Variants in PIP5K1C observed in about 807,000 individuals in gnomAD.
PIP5K1C encodes the protein phosphatidylinositol-4-phosphate 5-kinase type 1 gamma.
In PIP5K1C, 45 loss-of-function variants were observed where a neutral mutation model predicts 80.1. The observed-to-expected ratio is 0.56, with a 90% confidence interval of 0.44 to 0.72. The LOEUF (loss-of-function observed/expected upper bound fraction) is 0.72, where lower values mean the gene tolerates loss of function less well. Ranked by LOEUF, PIP5K1C falls within the 30% of genes least tolerant of loss-of-function variation. The pLI, the probability that PIP5K1C is intolerant of heterozygous loss-of-function variation, is 0.00. For missense variants in PIP5K1C, 753 were observed against 954.6 expected, an observed-to-expected ratio of 0.79 and a Z score of 2.78; for synonymous variants, 498 against 420.1, an observed-to-expected ratio of 1.19 and a Z score of -2.27.
rs1352221122 is a variant in PIP5K1C, at chr19:3,630,547, T to G, written c.*2620A>C. ...GAGGTGGCAGGCGCCTCTCCTGGGG[T>G]GGGGACTGAGGGCTGTGGAGACAGT... On this transcript the variant is annotated 3_prime_UTR_variant, in exon 18 of 18. Transcript: ENST00000335312. 2 of 150,154 alleles carry G rather than the reference T, an allele frequency of 1.3e-5. No homozygotes were observed. The highest frequency in any genetic ancestry group is 4.9e-5 in the African/African-American group (2 of 40,500). The allele number at this position is 150,154 out of a possible 1,614,324, so 9.3% of individuals were successfully genotyped here. A position where few individuals can be genotyped will look rare whatever the true frequency, so the allele number is the denominator to read the frequency against.
At chr19:3,689,123 TC>T (rs1458119367) in intron 1 of PIP5K1C, among the ~76,000 whole-genome samples, 1 of 152,098 alleles carries the variant, frequency 6.6e-6, no homozygotes, top group Non-Finnish European at 1.5e-5. Flanking sequence ...GGCTCAGTAA[TC>T]CAGTTATTCT....
intron 1 of PIP5K1C, chr19:3,674,041 T>G (rs1195934897): frequency 6.6e-6 from 1 of 152,246 alleles, no homozygotes; most frequent in African/African-American, 2.4e-5. Flanking sequence ...TGAGGAAGGC[T>G]GGCACTTCTC....
In PIP5K1C at chr19:3,644,064, G is replaced by A. The variant is rs73920196; in HGVS notation, c.1510+23C>T. ...GGCACCCCCTGTAGCGCCCACAAGC[G>A]CACTCTGCCCTCTGCCCCTCACCTT... On this transcript the variant is annotated intron_variant, in intron 12 of 17. Coordinates refer to ENST00000335312, the MANE Select transcript of PIP5K1C (RefSeq NM_012398.3). 23,248 of 1,608,926 alleles carry A rather than the reference G, an allele frequency of 0.014. 419 individuals are homozygous for A. Among genetic ancestry groups the A allele is most frequent in the African/African-American group, 0.086 (6,464 of 74,926 alleles).
At chr19:3,690,740 CAAAT>C (rs2035922542) in intron 1 of PIP5K1C, among the ~76,000 whole-genome samples, 1 of 152,142 alleles carries the variant, frequency 6.6e-6, no homozygotes, top group Admixed American at 6.5e-5. Context: ...GCTGCCATAA[CAAAT>C]AAAGAGCTCC....
At chr19:3,663,387 C>T (rs917469551) in intron 3 of PIP5K1C, among the ~76,000 whole-genome samples, 3 of 152,230 alleles carry the variant, frequency 2.0e-5, no homozygotes, top group Admixed American at 2.0e-4. Flanking sequence ...CTAAGCCACA[C>T]TCTGGGTGGT....
chr19:3,634,834 G>A (rs530366739), intron 16 of PIP5K1C, among the ~76,000 whole-genome samples: 161 of 152,346 alleles, frequency 1.1e-3, no homozygotes, highest in Non-Finnish European at 1.9e-3. Flanking sequence ...CCCTGTTCCC[G>A]GGCCCTGGGC....
At chr19:3,640,479 G>A (rs1199305937) in intron 15 of PIP5K1C, among the ~76,000 whole-genome samples, 1 of 152,132 alleles carries the variant, frequency 6.6e-6, no homozygotes, top group Non-Finnish European at 1.5e-5. Context: ...TCGTGCCACT[G>A]CACTCCAGCC....
intron 6 of PIP5K1C, among the ~76,000 whole-genome samples, chr19:3,654,777 G>C (rs1012576831): frequency 6.7e-6 from 1 of 148,794 alleles, no homozygotes; most frequent in Non-Finnish European, 1.5e-5. Context: ...TTGTGCCATT[G>C]CATTCCAGCC....
chr19:3,641,531 G>A (rs183487147), intron 15 of PIP5K1C, among the ~76,000 whole-genome samples, 174 bp downstream of exon 15: 3 of 152,264 alleles, frequency 2.0e-5, no homozygotes, highest in South Asian at 2.1e-4. Flanking sequence ...GGATCACCCC[G>A]GCTAGTCGAG....
At chr19:3,693,586 G>A (rs1235863574) in intron 1 of PIP5K1C, among the ~76,000 whole-genome samples, 7 of 152,220 alleles carry the variant, frequency 4.6e-5, no homozygotes, top group African/African-American at 9.6e-5. Flanking sequence ...GGCGGCAGGC[G>A]GCAGGGAGGC....
rs762457457 is a variant in PIP5K1C at position 3,664,963 on chromosome 19, C to G, written c.127-49G>C. The G allele has an allele frequency of 1.1e-5, 15 of 1,407,898 alleles. No individual in the cohort carries two copies. The Middle Eastern group carries it at 5.3e-4, about 50-fold the overall frequency. 87.2% of individuals were successfully genotyped at this position (1,407,898 alleles called of 1,614,324 possible). ...TTAACTCCCTAAGGAGCACGCCCAC[C>G]GGGACAGGGCACGCTCTGAAACCCT... On this transcript the variant is annotated intron_variant, in intron 2 of 17. Transcript: ENST00000335312.
intron 16 of PIP5K1C, among the ~76,000 whole-genome samples, chr19:3,634,592 C>T (rs2033596952): frequency 6.6e-6 from 1 of 152,258 alleles, no homozygotes; most frequent in Admixed American, 6.5e-5. Flanking sequence ...ACTGCTCGTC[C>T]TTCCAGTCAG....
chr19:3,684,367 G>A (rs1338056219), intron 1 of PIP5K1C, among the ~76,000 whole-genome samples: 1 of 152,208 alleles, frequency 6.6e-6, no homozygotes, highest in Non-Finnish European at 1.5e-5. Flanking sequence ...TCCATCCCGG[G>A]GACAGGGCCG....
intron 1 of PIP5K1C, among the ~76,000 whole-genome samples, chr19:3,673,111 C>T (rs971085518): frequency 9.9e-5 from 15 of 151,734 alleles, no homozygotes; most frequent in Non-Finnish European, 1.5e-4. Context: ...CCCACCAGAC[C>T]CTGTGTGGCC....
intron 14 of PIP5K1C, 125 bp downstream of exon 14, chr19:3,642,782 A>C (rs2074366670): frequency 1.2e-6 from 1 of 815,556 alleles, no homozygotes; most frequent in African/African-American, 1.7e-5. Context: ...CGAGTGCTAC[A>C]ATCTTAAATC....
At chr19:3,642,991 C>T (rs748562891) in intron 13 of PIP5K1C, 52 bp from the exon 14 acceptor site, 9 of 1,600,460 alleles carry the variant, frequency 5.6e-6, no homozygotes, top group Non-Finnish European at 7.7e-6. Context: ...GGCCCGCCTG[C>T]TCAGTCTACC....
intron 3 of PIP5K1C, among the ~76,000 whole-genome samples, chr19:3,664,082 C>T (rs375052118): frequency 6.6e-6 from 1 of 152,238 alleles, no homozygotes; most frequent in Non-Finnish European, 1.5e-5. Context: ...GCGAATGAAC[C>T]CTGAGGACGC....
chr19:3,678,754 G>C (rs984017075), intron 1 of PIP5K1C, among the ~76,000 whole-genome samples: 5 of 134,718 alleles, frequency 3.7e-5, no homozygotes, highest in African/African-American at 1.4e-4. Flanking sequence ...AGGGACAGAG[G>C]GATGGCGGGA....
rs750861310 is a variant in PIP5K1C at position 3,643,429 on chromosome 19, A to G, written c.1511-48T>C. On this transcript the variant is annotated intron_variant, in intron 12 of 17. Coordinates refer to ENST00000335312, the MANE Select transcript of PIP5K1C (RefSeq NM_012398.3). ...ACCTTGCGGAGCCTCCGAGCCCCCA[A>G]ACACACAGTCGATTCTCCCTGAGGC... 4 of 1,608,860 alleles carry G rather than the reference A, an allele frequency of 2.5e-6. No homozygotes were observed. The African/African-American group carries it at 4.0e-5, about 16-fold the overall frequency.
Sources: gnomAD v4.1 joint callset for allele counts (sites outside exome capture counted in the v4.1 genomes callset) on GRCh38, gnomAD v4.1.1 for gene constraint, MANE v1.5 for transcripts, NCBI Gene and HGNC (gene_info 2026-07-23, HGNC 2026-07-21) for gene names.